RYR3: variants seen among roughly 807,000 people sequenced by gnomAD.
The protein encoded by RYR3 is brain ryanodine receptor-calcium release channel.
A neutral mutation model predicts 584.3 loss-of-function variants in RYR3; 207 were observed. The observed-to-expected ratio is 0.35, with a 90% CI of 0.32 to 0.40. The LOEUF (loss-of-function observed/expected upper bound fraction) is 0.40, where lower values mean the gene tolerates loss of function less well. Ranked by LOEUF, RYR3 falls within the 10% of genes least tolerant of loss-of-function variation. The probability of loss-of-function intolerance (pLI) is 1.00; values close to 1 mark genes in which losing one functional copy is unlikely to be tolerated. For missense variants in RYR3, 5,616 were observed against 6,089.2 expected (o/e 0.92, Z 2.59); for synonymous variants, 2,416 against 2,248.5 (o/e 1.07, Z -2.11).
intron 80 of RYR3, 113 bp downstream of exon 80, chr15:33,821,715 T>C: frequency 1.0e-6 from 1 of 959,186 alleles, no homozygotes; most frequent in East Asian, 2.5e-5. Context: ...CCAGAATCAC[T>C]TAGCTCACGT....
At chr15:33,570,798 TA>T (rs1247550191) in intron 12 of RYR3, among the ~76,000 whole-genome samples, 1 of 149,152 alleles carries the variant, frequency 6.7e-6, no homozygotes, top group African/African-American at 2.5e-5. Context: ...TTATGAAATG[TA>T]TTCCTATGTA....
chr15:33,836,792 C>A, intron 87 of RYR3, 114 bp from the exon 88 acceptor site: 1 of 702,208 alleles, frequency 1.4e-6, no homozygotes, highest in Non-Finnish European at 2.4e-6. Context: ...AAGCTCTTTC[C>A]CGACACTGAT....
chr15:33,346,638 C>T (rs1332555892), intron 1 of RYR3, among the ~76,000 whole-genome samples: 3 of 152,038 alleles, frequency 2.0e-5, no homozygotes, highest in East Asian at 3.9e-4. Context: ...CCCTGTTGTG[C>T]GGGGGGCACC....
At chr15:33,525,392 C>T (rs367817572) in intron 3 of RYR3, among the ~76,000 whole-genome samples, 2 of 152,176 alleles carry the variant, frequency 1.3e-5, no homozygotes, top group East Asian at 3.8e-4. Flanking sequence ...AAAATCCTTA[C>T]TGTTTATATT....
chr15:33,479,182 A>G (rs547958319), intron 2 of RYR3, among the ~76,000 whole-genome samples: 11 of 152,236 alleles, frequency 7.2e-5, no homozygotes, highest in Non-Finnish European at 1.0e-4. Context: ...TACAAACATC[A>G]TTATGTAGAT....
intron 1 of RYR3, among the ~76,000 whole-genome samples, chr15:33,400,612 G>A (rs1394316323): frequency 2.0e-5 from 3 of 152,202 alleles, no homozygotes; most frequent in East Asian, 3.9e-4. Flanking sequence ...TTCTTCCTTC[G>A]TGGTGAGTTG....
intron 57 of RYR3, among the ~76,000 whole-genome samples, chr15:33,751,452 T>C (rs1055037483): frequency 2.0e-5 from 3 of 152,236 alleles, no homozygotes; most frequent in Non-Finnish European, 4.4e-5. Context: ...TGGTATCTCA[T>C]TGTGGTTTCG....
At position 33,841,969 on chromosome 15, in the gene RYR3, T is replaced by C; in HGVS notation, c.13143T>C (p.Val4381=). 6.2e-7 allele frequency: 1 copy of C among 1,603,524 alleles called. No individual in the cohort carries two copies. The highest frequency in any genetic ancestry group is 1.1e-5 in the South Asian group (1 of 88,854). Residue 4381 remains valine (V), a synonymous_variant, in exon 91 of 104, where the codon GTT becomes GTC. Transcript: ENST00000634891. ...AGAAGCGGCGGTGTGGTCAGAAGGT[T>C]GAGAAGCCGGAAGCTTTCACAGCCA... ...KKKKRRCGQK[V]EKPEAFTANF... is the part of the protein sequence containing the mutation.
At chr15:33,863,019 G>A (rs1489362939) in intron 102 of RYR3, among the ~76,000 whole-genome samples, 3 of 152,196 alleles carry the variant, frequency 2.0e-5, no homozygotes, top group South Asian at 2.1e-4. Context: ...GGAGGTTAAT[G>A]AGCCCATGGC....
chr15:33,691,709 C>CTGTAAAA, intron 38 of RYR3, among the ~76,000 whole-genome samples: 1 of 152,274 alleles, frequency 6.6e-6, no homozygotes, highest in African/African-American at 2.4e-5. Flanking sequence ...CTGTACCATT[C>CTGTAAAA]TATCACAGAG....
At chr15:33,466,121 C>A (rs77923225) in intron 1 of RYR3, among the ~76,000 whole-genome samples, 7,362 of 152,134 alleles carry the variant, frequency 0.048, 258 homozygotes, top group African/African-American at 0.099. Flanking sequence ...TGTGGTGGCA[C>A]AAACTTGGGA....
At chr15:33,447,481 T>G (rs1361151526) in intron 1 of RYR3, among the ~76,000 whole-genome samples, 1 of 152,160 alleles carries the variant, frequency 6.6e-6, no homozygotes, top group Non-Finnish European at 1.5e-5. Context: ...TATTGGGATT[T>G]TGGACTTCTT....
At chr15:33,581,269 C>T (rs957948731) in intron 13 of RYR3, among the ~76,000 whole-genome samples, 14 of 152,088 alleles carry the variant, frequency 9.2e-5, no homozygotes, top group Non-Finnish European at 1.3e-4. Context: ...GGGGGCAACC[C>T]GTCAGAGGAG....
chr15:33,865,265 C>A lies in RYR3; in HGVS notation c.*39C>A, dbSNP rs775310034. The A allele has an allele frequency of 7.6e-6, 11 of 1,452,900 alleles. No individual in the cohort carries two copies. The East Asian group carries it at 2.5e-4, about 33-fold the overall frequency. 90.0% of individuals were successfully genotyped at this position (1,452,900 alleles called of 1,614,324 possible). ...AAGCGCGACAATTCTGGACAGTCAA[C>A]TTCCCATGAAATAAAGTCCCCTTTT... On this transcript the variant is annotated 3_prime_UTR_variant, in exon 104 of 104. Coordinates refer to ENST00000634891, the MANE Select transcript of RYR3 (RefSeq NM_001036.6).
intron 46 of RYR3, among the ~76,000 whole-genome samples, chr15:33,728,123 CACTT>C (rs1596332390): frequency 6.6e-6 from 1 of 152,196 alleles, no homozygotes; most frequent in African/African-American, 2.4e-5. Context: ...TTTTCTCCCT[CACTT>C]ACTTAGGTTT....
chr15:33,697,001 A>G (rs967434458), intron 39 of RYR3, among the ~76,000 whole-genome samples: 1 of 152,248 alleles, frequency 6.6e-6, no homozygotes, highest in Non-Finnish European at 1.5e-5. Flanking sequence ...CATTTTAGAC[A>G]TCAAAAGGGT....
At chr15:33,748,634 C>A in intron 55 of RYR3, 104 bp downstream of exon 55, 1 of 975,910 alleles carries the variant, frequency 1.0e-6, no homozygotes, top group Non-Finnish European at 1.6e-6. Context: ...GAACATATCA[C>A]CACTAAAATT....
At chr15:33,671,266 T>C (rs967326638) in intron 38 of RYR3, among the ~76,000 whole-genome samples, 1 of 152,212 alleles carries the variant, frequency 6.6e-6, no homozygotes, top group African/African-American at 2.4e-5. Flanking sequence ...GTCTACTCCT[T>C]GGTACAGATT....
chr15:33,862,407 G>A (rs1018855222), intron 102 of RYR3, among the ~76,000 whole-genome samples: 3 of 151,234 alleles, frequency 2.0e-5, no homozygotes, highest in African/African-American at 4.9e-5. Flanking sequence ...GGGCTTTGCT[G>A]TATTGCCCAG....
Sources: gnomAD v4.1 joint callset for allele counts (sites outside exome capture counted in the v4.1 genomes callset) on GRCh38, gnomAD v4.1.1 for gene constraint, MANE v1.5 for transcripts, NCBI Gene and HGNC (gene_info 2026-07-23, HGNC 2026-07-21) for gene names.